Variants in EVL observed in about 807,000 individuals in gnomAD.
The protein encoded by EVL is Enah/Vasp-like.
EVL carries 21 observed loss-of-function variants against 59.6 expected under a neutral mutation model. That is an observed-to-expected ratio of 0.35 (90% confidence interval 0.25 to 0.51). The LOEUF (loss-of-function observed/expected upper bound fraction) is 0.51. Among genes scored for constraint, EVL ranks in the 20% least tolerant of loss-of-function variants. EVL has a pLI of 0.97. For missense variants in EVL, 462 were observed against 546.6 expected (o/e 0.85, Z 1.54); for synonymous variants, 198 against 203.5 (o/e 0.97, Z 0.23).
intron 2 of EVL, among the ~76,000 whole-genome samples, chr14:100,087,087 A>C (rs1159560114): frequency 6.6e-6 from 1 of 152,206 alleles, no homozygotes; most frequent in Non-Finnish European, 1.5e-5. Context: ...TACATGTTTA[A>C]TGCTCTTTAT....
intron 1 of EVL, among the ~76,000 whole-genome samples, chr14:99,994,053 CTT>C (rs1488528057): frequency 7.9e-6 from 1 of 126,900 alleles, no homozygotes; most frequent in African/African-American, 3.0e-5. Flanking sequence ...TTGTCAGTTT[CTT>C]TTAAGTTGTA....
chr14:99,992,353 A>G (rs954536395), intron 1 of EVL, among the ~76,000 whole-genome samples: 1 of 151,980 alleles, frequency 6.6e-6, no homozygotes, highest in Non-Finnish European at 1.5e-5. Flanking sequence ...GATATTAATC[A>G]TTTACCATAT....
At chr14:100,046,047 A>G (rs778433448) in intron 1 of EVL, among the ~76,000 whole-genome samples, 4 of 152,226 alleles carry the variant, frequency 2.6e-5, no homozygotes, top group African/African-American at 4.8e-5. Context: ...GTCATTGGAA[A>G]AAAAGTGTTG....
chr14:99,995,405 A>G (rs770121698), intron 1 of EVL, among the ~76,000 whole-genome samples: 2 of 151,924 alleles, frequency 1.3e-5, no homozygotes, highest in Non-Finnish European at 2.9e-5. Flanking sequence ...CTGCCTAGTT[A>G]AGTGCTTTTG....
intron 1 of EVL, among the ~76,000 whole-genome samples, chr14:100,042,862 T>C (rs1463052652): frequency 6.6e-6 from 1 of 152,190 alleles, no homozygotes; most frequent in Non-Finnish European, 1.5e-5. Context: ...GATGTTATTG[T>C]AAATACATAC....
chr14:100,100,597 C>T (rs1213515396), intron 3 of EVL, among the ~76,000 whole-genome samples: 3 of 151,972 alleles, frequency 2.0e-5, no homozygotes, highest in South Asian at 4.2e-4. Flanking sequence ...TGTTTTTGAG[C>T]GTCATGTAAA....
chr14:99,977,458 G>C (rs1444116036), intron 1 of EVL: 1 of 152,054 alleles, frequency 6.6e-6, no homozygotes, highest in African/African-American at 2.4e-5. Flanking sequence ...GAGCACAGTG[G>C]TGCGATCTCA....
chr14:100,044,142 C>T (rs1183425717), intron 1 of EVL, among the ~76,000 whole-genome samples: 1 of 152,166 alleles, frequency 6.6e-6, no homozygotes, highest in Non-Finnish European at 1.5e-5. Context: ...CTAAAATTAT[C>T]GATCACATCC....
At chr14:100,060,050 C>G (rs1014165686) in intron 1 of EVL, among the ~76,000 whole-genome samples, 4 of 152,090 alleles carry the variant, frequency 2.6e-5, no homozygotes, top group Non-Finnish European at 4.4e-5. Flanking sequence ...TTCAAATTAC[C>G]CATAATAAAT....
intron 1 of EVL, among the ~76,000 whole-genome samples, chr14:100,050,055 C>T (rs1436596988): frequency 6.6e-6 from 1 of 152,128 alleles, no homozygotes; most frequent in African/African-American, 2.4e-5. Flanking sequence ...GATCCTCGCT[C>T]AAGGGGACAC....
In EVL at chr14:100,128,627, C is replaced by A; in HGVS notation, c.596C>A (p.Ala199Asp). 1.9e-6 allele frequency: 2 copies of A among 1,028,920 alleles called. No individual in the cohort carries two copies. Among genetic ancestry groups the A allele is most frequent in the South Asian group, 1.7e-5 (1 of 57,452 alleles). 63.7% of individuals were successfully genotyped at this position (1,028,920 alleles called of 1,614,324 possible). Residue 199 changes from alanine to aspartate, a missense_variant, in exon 6 of 14, where the codon GCT (alanine) becomes GAT (aspartate). Physicochemically the swap from Ala to Asp is moderately radical, Grantham distance 126. Coordinates refer to ENST00000392920, the MANE Select transcript of EVL (RefSeq NM_016337.3). ...CCAGTCCCACCTCCACCCACTGGGG[C>A]TACCCCACCTCCCCCACCCCCACTG... ...PPPVPPPPTG[A>D]TPPPPPPLPA...
intron 3 of EVL, among the ~76,000 whole-genome samples, chr14:100,100,758 CTG>C (rs1178801736): frequency 7.3e-6 from 1 of 136,196 alleles, no homozygotes; most frequent in East Asian, 2.1e-4. Flanking sequence ...GCACTCCAGC[CTG>C]TGTGACAGAG....
At chr14:100,010,971 G>T (rs1255308019) in intron 1 of EVL, among the ~76,000 whole-genome samples, 1 of 152,158 alleles carries the variant, frequency 6.6e-6, no homozygotes, top group Non-Finnish European at 1.5e-5. Flanking sequence ...GGAACATAGT[G>T]CCCTCCTCAA....
chr14:100,042,365 G>C (rs146542740), intron 1 of EVL, among the ~76,000 whole-genome samples: 1 of 152,254 alleles, frequency 6.6e-6, no homozygotes, highest in African/African-American at 2.4e-5. Flanking sequence ...TTAGCAAATG[G>C]GTTTAAAAGT....
chr14:100,140,788 CA>C (rs10719025), intron 11 of EVL: 13,095 of 168,608 alleles, frequency 0.078, 966 homozygotes, highest in African/African-American at 0.2. Flanking sequence ...CCCCGAGCCC[CA>C]AGCTCAACCT....
intron 9 of EVL, 113 bp downstream of exon 9, chr14:100,136,081 G>GT: frequency 1.6e-6 from 2 of 1,231,080 alleles, no homozygotes; most frequent in Non-Finnish European, 2.3e-6. Flanking sequence ...TGAGCAGAGG[G>GT]CCAGGCCACA....
chr14:100,015,755 T>C (rs1362799989), intron 1 of EVL, among the ~76,000 whole-genome samples: 4 of 152,164 alleles, frequency 2.6e-5, no homozygotes, highest in African/African-American at 9.7e-5. Context: ...TAGGGTTCCA[T>C]GGAAGTGTTA....
At chr14:100,034,194 C>G (rs1051574673) in intron 1 of EVL, among the ~76,000 whole-genome samples, 4 of 147,038 alleles carry the variant, frequency 2.7e-5, no homozygotes, top group Admixed American at 6.7e-5. Context: ...GAAATCACGC[C>G]ACTGCACTCT....
At chr14:100,142,094 C>G (rs545659798) in intron 13 of EVL, 3 of 251,052 alleles carry the variant, frequency 1.2e-5, no homozygotes, top group Non-Finnish European at 2.3e-5. Flanking sequence ...ACCCCAGCAT[C>G]GTTCCAGAGC....
Sources: allele counts gnomAD v4.1 joint callset (sites outside exome capture counted in the v4.1 genomes callset), GRCh38; gene constraint gnomAD v4.1.1; transcripts MANE v1.5; gene names NCBI Gene and HGNC (gene_info 2026-07-23, HGNC 2026-07-21).